The following FOCAD variants were observed in gnomAD, a reference collection of about 807,000 sequenced individuals.
The protein encoded by FOCAD is focadhesin.
FOCAD carries 198 observed loss-of-function variants against 225.6 expected under a neutral mutation model. The observed-to-expected ratio is 0.88, with a 90% CI of 0.78 to 0.99. FOCAD has a LOEUF of 0.99. Ranked by LOEUF, FOCAD falls within the 50% of genes least tolerant of loss-of-function variation. The pLI is 0.00. For missense variants in FOCAD, 2,713 were observed against 2,123.6 expected (o/e 1.28, Z -5.46); for synonymous variants, 897 against 755.0 (o/e 1.19, Z -3.08).
At chr9:20,863,512 C>T (rs1828962702) in intron 16 of FOCAD, 1 of 152,100 alleles carries the variant, frequency 6.6e-6, no homozygotes, top group South Asian at 2.1e-4. Flanking sequence ...CTGGGCTATA[C>T]AATACCTATC....
intron 2 of FOCAD, among the ~76,000 whole-genome samples, chr9:20,666,457 C>G (rs1821902037): frequency 6.6e-6 from 1 of 151,974 alleles, no homozygotes; most frequent in Non-Finnish European, 1.5e-5. Flanking sequence ...GTAGTCCCAC[C>G]TACTTGGGAG....
chr9:20,753,042 G>T (rs1828711599), intron 5 of FOCAD, among the ~76,000 whole-genome samples: 1 of 151,954 alleles, frequency 6.6e-6, no homozygotes, highest in Non-Finnish European at 1.5e-5. Flanking sequence ...TTGCTTATCA[G>T]CTTAAGGAGA....
intron 10 of FOCAD, among the ~76,000 whole-genome samples, chr9:20,783,553 C>G (rs1819616816): frequency 6.6e-6 from 1 of 151,736 alleles, no homozygotes; most frequent in African/African-American, 2.4e-5. Context: ...TGTTCTCAGC[C>G]TCCCTGAGTC....
chr9:20,800,026 C>A (rs940575039), intron 11 of FOCAD, among the ~76,000 whole-genome samples: 1 of 152,058 alleles, frequency 6.6e-6, no homozygotes, highest in African/African-American at 2.4e-5. Context: ...TTTAGGAGGC[C>A]TTTTAGGACA....
chr9:20,716,376 G>T (rs1825337019), intron 2 of FOCAD, among the ~76,000 whole-genome samples: 1 of 151,892 alleles, frequency 6.6e-6, no homozygotes, highest in Non-Finnish European at 1.5e-5. Context: ...GTGTAGGATG[G>T]CTATTTGAAT....
At chr9:20,909,992 A>T (rs1302560587) in intron 22 of FOCAD, among the ~76,000 whole-genome samples, 1 of 152,086 alleles carries the variant, frequency 6.6e-6, no homozygotes, top group East Asian at 1.9e-4. Context: ...ACTAAAAGGT[A>T]GATTCTCCAT....
intron 15 of FOCAD, among the ~76,000 whole-genome samples, chr9:20,827,806 G>T (rs1403000903): frequency 6.6e-6 from 1 of 152,070 alleles, no homozygotes; most frequent in Non-Finnish European, 1.5e-5. Flanking sequence ...TGTATGAACA[G>T]GTTTAGATAT....
chr9:20,706,096 G>A (rs965268424), intron 1 of FOCAD, among the ~76,000 whole-genome samples: 6 of 151,530 alleles, frequency 4.0e-5, no homozygotes, highest in Non-Finnish European at 7.4e-5. Flanking sequence ...CACCATACCC[G>A]GCTAATTTTT....
intron 35 of FOCAD, among the ~76,000 whole-genome samples, chr9:20,953,279 A>G (rs1837847312): frequency 6.6e-6 from 1 of 152,220 alleles, no homozygotes; most frequent in Non-Finnish European, 1.5e-5. Context: ...TCTTAGAATC[A>G]CTGTCTCCGA....
At chr9:20,775,094 A>G (rs753191353) in intron 8 of FOCAD, among the ~76,000 whole-genome samples, 40 of 152,334 alleles carry the variant, frequency 2.6e-4, no homozygotes, top group Middle Eastern at 3.4e-3. Context: ...TTCAAATATT[A>G]TATTCACTTT....
intron 15 of FOCAD, among the ~76,000 whole-genome samples, chr9:20,845,313 A>G (rs1168175770): frequency 6.6e-6 from 1 of 151,892 alleles, no homozygotes; most frequent in Non-Finnish European, 1.5e-5. Context: ...AATTTGCCAT[A>G]TATAATTTCA....
At chr9:20,860,668 G>A (rs962677348) in intron 15 of FOCAD, among the ~76,000 whole-genome samples, 7 of 151,976 alleles carry the variant, frequency 4.6e-5, no homozygotes, top group African/African-American at 9.7e-5. Context: ...ATGCCTCCAC[G>A]CCTGGCTAAT....
At chr9:20,776,270 G>T (rs1818743732) in intron 8 of FOCAD, among the ~76,000 whole-genome samples, 1 of 152,224 alleles carries the variant, frequency 6.6e-6, no homozygotes, top group South Asian at 2.1e-4. Context: ...TACTTCTAGA[G>T]TGCGCTATTC....
In FOCAD at chr9:20,874,738, G is replaced by A. The variant is rs1830088146; in HGVS notation, c.2248G>A (p.Val750Met). ...ELDDDEDVED[V>M]DLSVPGSCYL... ...AGATGACGATGAAGATGTTGAGGATGTGGATCTTTCAGTTCCTGGCTCTTG... is the reference window on the plus strand; with the variant it reads ...AGATGACGATGAAGATGTTGAGGATATGGATCTTTCAGTTCCTGGCTCTTG... The change falls in exon 19 of 44, where the codon GTG (valine) becomes ATG (methionine). Residue 750 changes from valine (V) to methionine (M), a missense_variant. Transcript: ENST00000338382. The A allele has an allele frequency of 6.2e-7, 1 of 1,613,538 alleles. No individual in the cohort carries two copies. Among genetic ancestry groups the A allele is most frequent in the Non-Finnish European group, 8.5e-7 (1 of 1,179,708 alleles).
chr9:20,971,710 G>T (rs4338197), intron 35 of FOCAD, among the ~76,000 whole-genome samples: 5 of 152,182 alleles, frequency 3.3e-5, no homozygotes, highest in African/African-American at 1.2e-4. Flanking sequence ...GAACTTTTCA[G>T]AACTTAGAAA....
At chr9:20,916,093 A>C (rs1375327026) in intron 23 of FOCAD, among the ~76,000 whole-genome samples, 2 of 152,154 alleles carry the variant, frequency 1.3e-5, no homozygotes, top group African/African-American at 4.8e-5. Context: ...TTATATATCA[A>C]ATGCAAATAT....
chr9:20,792,609 C>A (rs1192999498), intron 11 of FOCAD, among the ~76,000 whole-genome samples: 1 of 152,134 alleles, frequency 6.6e-6, no homozygotes, highest in African/African-American at 2.4e-5. Context: ...TTGCATCTTA[C>A]AACACTGAGG....
chr9:20,988,397 T>G lies in FOCAD; in HGVS notation c.4972T>G (p.Ser1658Ala). ...MGYIRNVAYQ[S>A]TSFHNTALDK... ...TTATATTAGAAATGTTGCTTACCAG[T>G]CAACATCCTTTCACAATACGGCTCT... The change falls in exon 41 of 44, where the codon TCA becomes GCA. Residue 1658 changes from serine to alanine, a missense_variant. Ser to Ala is a moderately conservative substitution (Grantham distance 99). Coordinates refer to ENST00000338382, the MANE Select transcript of FOCAD (RefSeq NM_001375567.1). 6.2e-7 allele frequency: 1 copy of G among 1,609,818 alleles called. No individual in the cohort carries two copies. Among genetic ancestry groups the G allele is most frequent in the Non-Finnish European group, 8.5e-7 (1 of 1,176,894 alleles).
chr9:20,814,711 G>T (rs1441832573), intron 11 of FOCAD, among the ~76,000 whole-genome samples: 1 of 151,870 alleles, frequency 6.6e-6, no homozygotes, highest in Admixed American at 6.6e-5. Flanking sequence ...GTTGCCATGG[G>T]ACTTACATCA....
Sources: allele counts gnomAD v4.1 joint callset (sites outside exome capture counted in the v4.1 genomes callset), GRCh38; gene constraint gnomAD v4.1.1; transcripts MANE v1.5; gene names NCBI Gene and HGNC (gene_info 2026-07-23, HGNC 2026-07-21).